Variants in ELF2 observed in about 807,000 individuals in gnomAD.
ELF2 encodes ETS-related transcription factor Elf-2.
ELF2 carries 11 observed loss-of-function variants against 54.8 expected under a neutral mutation model. The observed-to-expected ratio is 0.20, with a 90% CI of 0.13 to 0.33. ELF2 has a LOEUF of 0.33. Among genes scored for constraint, ELF2 ranks in the 10% least tolerant of loss-of-function variants. ELF2 has a pLI of 1.00. For synonymous variants in ELF2, 203 were observed against 245.1 expected, an observed-to-expected ratio of 0.83 and a Z score of 1.61; for missense variants, 513 against 703.0, an observed-to-expected ratio of 0.73 and a Z score of 3.06.
At position 139,137,778 on chromosome 4, in the gene ELF2, G is replaced by GTTTT; in HGVS notation, c.-78_-77insAAAA. ...TCACTGATGGTTGCCAGTGTTATAG[G>GTTTT]TTTGCATTATCATGTTTTAAAAGTC... On this transcript the variant is annotated 5_prime_UTR_variant, in exon 3 of 10. An upstream open reading frame in the 5' UTR gains an earlier in-frame stop. Transcript: ENST00000686138. 6.3e-7 allele frequency: 1 copy of GTTTT among 1,582,080 alleles called. No homozygotes were observed. Among genetic ancestry groups the GTTTT allele is most frequent in the South Asian group, 1.2e-5 (1 of 86,266 alleles).
chr4:139,125,262 T>C lies in ELF2; in HGVS notation c.140A>G (p.Gln47Arg), dbSNP rs1356576417. 3 of 1,614,004 alleles carry C rather than the reference T, an allele frequency of 1.9e-6. No homozygotes were observed. Among genetic ancestry groups the C allele is most frequent in the South Asian group, 2.2e-5 (2 of 91,046 alleles). ...AACCAGAACCTGGGCTGCATAGCCC[T>C]GCTCTAATCTGGCACTTGGAACTGG... is the stretch of plus-strand genomic sequence containing the variant. ...VEPVPSARLE[Q>R]GYAAQVLVYD... is the part of the protein sequence containing the mutation. Residue 47 changes from glutamine (Q) to arginine (R), a missense_variant, in exon 4 of 10, where the codon CAG becomes CGG. By Grantham distance (43) the Gln-to-Arg change is conservative. Coordinates refer to ENST00000686138, the MANE Select transcript of ELF2 (RefSeq NM_001331036.3).
chr4:139,151,051 A>AGGAAAGAAAGAAT (rs1337765609), intron 1 of ELF2, among the ~76,000 whole-genome samples: 1 of 87,474 alleles, frequency 1.1e-5, no homozygotes, highest in Non-Finnish European at 2.8e-5. Context: ...AAAGAAAGAA[A>AGGAAAGAAAGAAT]GAAAGAAAGA....
At chr4:139,170,718 T>TTA (rs1742215524) in intron 1 of ELF2, among the ~76,000 whole-genome samples, 1 of 144,062 alleles carries the variant, frequency 6.9e-6, no homozygotes, top group Non-Finnish European at 1.5e-5. Context: ...TTACATTACA[T>TTA]TATATTATAT....
At chr4:139,156,430 T>C (rs1740545206) in intron 1 of ELF2, among the ~76,000 whole-genome samples, 1 of 152,100 alleles carries the variant, frequency 6.6e-6, no homozygotes, top group Non-Finnish European at 1.5e-5. Context: ...CCACCCACCT[T>C]GGCCTCCCAA....
chr4:139,121,097 T>G (rs1004108560), intron 4 of ELF2, among the ~76,000 whole-genome samples: 21 of 32,224 alleles, frequency 6.5e-4, no homozygotes, highest in African/African-American at 3.4e-3. Flanking sequence ...TAACACAGAT[T>G]TTTTTTTTTT....
chr4:139,148,572 T>G (rs1365224763), intron 1 of ELF2, among the ~76,000 whole-genome samples: 1 of 152,112 alleles, frequency 6.6e-6, no homozygotes, highest in Non-Finnish European at 1.5e-5. Flanking sequence ...ATTTAATTTC[T>G]TTTTATTGCT....
At chr4:139,176,222 C>G (rs1742899452) in intron 1 of ELF2, among the ~76,000 whole-genome samples, 1 of 152,200 alleles carries the variant, frequency 6.6e-6, no homozygotes, top group African/African-American at 2.4e-5. Context: ...GATTCCGATC[C>G]GAGCAAAGCC....
intron 4 of ELF2, among the ~76,000 whole-genome samples, chr4:139,096,159 C>G (rs1295074082): frequency 1.3e-5 from 2 of 151,410 alleles, no homozygotes; most frequent in African/African-American, 4.8e-5. Flanking sequence ...TGAGTTTGAC[C>G]CAAAAAAAAA....
intron 1 of ELF2, among the ~76,000 whole-genome samples, chr4:139,141,753 AC>A (rs1482863299): frequency 6.6e-6 from 1 of 152,010 alleles, no homozygotes; most frequent in Non-Finnish European, 1.5e-5. Context: ...TCTCTGGTCA[AC>A]CCTTACAGGC....
chr4:139,075,850 G>T (rs1038964450), intron 4 of ELF2, among the ~76,000 whole-genome samples: 5 of 152,030 alleles, frequency 3.3e-5, no homozygotes, highest in African/African-American at 9.7e-5. Context: ...TTAAAATGTT[G>T]AACAGTTAAC....
chr4:139,177,626 G>A (rs1743109975), upstream of ELF2, among the ~76,000 whole-genome samples: 1 of 152,114 alleles, frequency 6.6e-6, no homozygotes, highest in Non-Finnish European at 1.5e-5. Flanking sequence ...CCGGATTGGT[G>A]CAGGGGGCTC....
chr4:139,124,787 A>T (rs948570042), intron 4 of ELF2, among the ~76,000 whole-genome samples: 9 of 152,328 alleles, frequency 5.9e-5, no homozygotes, highest in African/African-American at 2.2e-4. Flanking sequence ...AGAAACTCAT[A>T]ATCAATTAGA....
At chr4:139,106,788 G>A (rs1734459369) in intron 4 of ELF2, among the ~76,000 whole-genome samples, 1 of 145,930 alleles carries the variant, frequency 6.9e-6, no homozygotes, top group Non-Finnish European at 1.5e-5. Flanking sequence ...TTGTTGCCCA[G>A]GCTGGAGTGC....
chr4:139,130,580 C>A (rs770421920), intron 3 of ELF2, among the ~76,000 whole-genome samples: 2 of 152,146 alleles, frequency 1.3e-5, no homozygotes, highest in Non-Finnish European at 2.9e-5. Flanking sequence ...TTCTATCCTA[C>A]GTATTTATAG....
intron 4 of ELF2, among the ~76,000 whole-genome samples, chr4:139,092,130 G>A (rs1294183754): frequency 1.3e-5 from 2 of 151,624 alleles, no homozygotes; most frequent in Non-Finnish European, 2.9e-5. Context: ...GGGAGGGCGA[G>A]GCGGTTGGAT....
chr4:139,133,762 C>T (rs1170530390), intron 3 of ELF2, among the ~76,000 whole-genome samples: 1 of 152,062 alleles, frequency 6.6e-6, no homozygotes, highest in Non-Finnish European at 1.5e-5. Flanking sequence ...TGCCAGTGCA[C>T]CCACCTGCTT....
In ELF2 at chr4:139,156,290, C is replaced by G. The variant is rs546795195; in HGVS notation, c.-251-16793G>C. Among the ~76,000 whole-genome samples, 9 of 152,212 alleles carry G rather than the reference C, an allele frequency of 5.9e-5. No individual in the cohort carries two copies. In the South Asian group the frequency reaches 1.0e-3, roughly 18 times the overall value. On this transcript the variant is annotated intron_variant, in intron 1 of 9. Coordinates refer to ENST00000686138, the MANE Select transcript of ELF2 (RefSeq NM_001331036.3). ...TCCCGGGTTCACGCCATTCTCCTGC[C>G]TCAGCCTCCCGAGTAGCTGGGACTA... is the stretch of plus-strand genomic sequence containing the variant.
At chr4:139,116,152 TTATC>T (rs1320186167) in intron 4 of ELF2, among the ~76,000 whole-genome samples, 1 of 152,178 alleles carries the variant, frequency 6.6e-6, no homozygotes, top group African/African-American at 2.4e-5. Flanking sequence ...TTAAAATCTT[TTATC>T]TAATAATACT....
chr4:139,111,684 T>A (rs990980502), intron 4 of ELF2, among the ~76,000 whole-genome samples: 1 of 152,164 alleles, frequency 6.6e-6, no homozygotes, highest in African/African-American at 2.4e-5. Flanking sequence ...CAAATGGGCA[T>A]GGACAATGGA....
Sources: gnomAD v4.1 joint callset for allele counts (sites outside exome capture counted in the v4.1 genomes callset) on GRCh38, gnomAD v4.1.1 for gene constraint, MANE v1.5 for transcripts, NCBI Gene and HGNC (gene_info 2026-07-23, HGNC 2026-07-21) for gene names.